Variants in ULK2 observed in about 807,000 individuals in gnomAD.
The protein encoded by ULK2 is unc-51 like autophagy activating kinase 2, also known as serine/threonine-protein kinase ULK2.
In ULK2, 76 loss-of-function variants were observed where a neutral mutation model predicts 127.5. The ratio of observed to expected loss-of-function variants is 0.60; its 90% CI spans 0.50 to 0.72. The LOEUF is 0.72. ULK2 is among the 30% of genes least tolerant of loss of function. The pLI, the probability that ULK2 is intolerant of heterozygous loss-of-function variation, is 0.00. For synonymous variants in ULK2, 452 were observed against 461.9 expected (o/e 0.98, Z 0.28); for missense variants, 1,144 against 1,295.9 (o/e 0.88, Z 1.80).
chr17:19,790,405 G>A (rs918301454), intron 20 of ULK2, among the ~76,000 whole-genome samples: 22 of 152,048 alleles, frequency 1.4e-4, no homozygotes, highest in African/African-American at 4.1e-4. Context: ...TGACAAGAGC[G>A]AAACTCCATC....
rs542497763 is a variant in ULK2 at position 19,774,731 on chromosome 17, C to G, written c.*1618G>C. ...CTCAACAAGCCACTTAATATGTACCCAGCTACACCCTAGAAACACTTTGTC... is the reference window on the plus strand; with the variant it reads ...CTCAACAAGCCACTTAATATGTACCGAGCTACACCCTAGAAACACTTTGTC... On this transcript the variant is annotated 3_prime_UTR_variant, in exon 27 of 27. Transcript: ENST00000395544. 2 of 152,594 alleles carry G rather than the reference C, an allele frequency of 1.3e-5. No individual in the cohort carries two copies. The highest frequency in any genetic ancestry group is 4.8e-5 in the African/African-American group (2 of 41,546). The allele number at this position is 152,594 out of a possible 1,614,324, so 9.5% of individuals were successfully genotyped here.
chr17:19,807,529 T>C (rs938050477), intron 14 of ULK2, among the ~76,000 whole-genome samples: 2 of 152,140 alleles, frequency 1.3e-5, no homozygotes, highest in African/African-American at 2.4e-5. Flanking sequence ...AAAACTGCCA[T>C]GTAGCTATTG....
chr17:19,790,162 A>C (rs2087121438), intron 20 of ULK2, among the ~76,000 whole-genome samples: 1 of 152,198 alleles, frequency 6.6e-6, no homozygotes, highest in Non-Finnish European at 1.5e-5. Context: ...CAAGCCTGTA[A>C]TCCTAGCAAT....
At chr17:19,784,370 T>C (rs2086982767) in intron 21 of ULK2, among the ~76,000 whole-genome samples, 1 of 152,094 alleles carries the variant, frequency 6.6e-6, no homozygotes, top group Non-Finnish European at 1.5e-5. Flanking sequence ...ATAAATACTC[T>C]GAAGTGGTAT....
chr17:19,833,368 T>A (rs567786201), intron 10 of ULK2, among the ~76,000 whole-genome samples: 1,184 of 6,376 alleles, frequency 0.19, 17 homozygotes, highest in Middle Eastern at 0.33. Flanking sequence ...TATAAACAAA[T>A]TTTTTTTTTT....
chr17:19,825,544 T>C (rs2041267063), intron 11 of ULK2, among the ~76,000 whole-genome samples: 1 of 151,944 alleles, frequency 6.6e-6, no homozygotes, highest in Non-Finnish European at 1.5e-5. Flanking sequence ...ACCTCGTCTC[T>C]ACTAAAAATA....
intron 21 of ULK2, 168 bp from the exon 22 acceptor site, chr17:19,784,073 T>G (rs1567674536): frequency 2.2e-6 from 1 of 460,570 alleles, no homozygotes; most frequent in Non-Finnish European, 3.5e-6. Context: ...TTTTTACTTA[T>G]CCATGTTCAT....
At chr17:19,820,892 G>T (rs2041125205) in intron 12 of ULK2, among the ~76,000 whole-genome samples, 1 of 152,138 alleles carries the variant, frequency 6.6e-6, no homozygotes, top group South Asian at 2.1e-4. Flanking sequence ...CAATGACTGA[G>T]TTACCTACCT....
intron 10 of ULK2, among the ~76,000 whole-genome samples, chr17:19,836,552 C>G (rs927996380): frequency 1.3e-5 from 2 of 151,806 alleles, no homozygotes; most frequent in African/African-American, 4.8e-5. Context: ...TTGCAGTGAG[C>G]CGAGATCATG....
chr17:19,863,124 G>A (rs2042277227), intron 3 of ULK2, among the ~76,000 whole-genome samples: 1 of 151,854 alleles, frequency 6.6e-6, no homozygotes, highest in Admixed American at 6.6e-5. Flanking sequence ...TGAGGCACAA[G>A]AATCGCTTTA....
At chr17:19,837,963 T>C (rs2041638023) in intron 10 of ULK2, among the ~76,000 whole-genome samples, 1 of 152,186 alleles carries the variant, frequency 6.6e-6, no homozygotes, top group Non-Finnish European at 1.5e-5. Flanking sequence ...CCATCACACT[T>C]TGTGGAAAAG....
intron 8 of ULK2, among the ~76,000 whole-genome samples, chr17:19,842,300 C>A (rs903114737): frequency 2.0e-5 from 3 of 148,058 alleles, no homozygotes; most frequent in Non-Finnish European, 3.0e-5. Flanking sequence ...CAGGTTCAAG[C>A]GATTCTCCTG....
At chr17:19,864,624 T>C (rs1204042704) in intron 3 of ULK2, among the ~76,000 whole-genome samples, 179 bp downstream of exon 3, 1 of 152,218 alleles carries the variant, frequency 6.6e-6, no homozygotes, top group Non-Finnish European at 1.5e-5. Flanking sequence ...CAGCAAATTC[T>C]TTCAGCCTAT....
intron 20 of ULK2, among the ~76,000 whole-genome samples, chr17:19,793,934 T>A (rs367383): frequency 6.6e-6 from 1 of 152,192 alleles, no homozygotes; most frequent in Middle Eastern, 3.2e-3. Context: ...TTTAAAGTAA[T>A]GATAATTAAT....
chr17:19,801,831 C>T lies in ULK2; in HGVS notation c.1387G>A (p.Val463Ile). Residue 463 changes from valine to isoleucine, a missense_variant, in exon 16 of 27, where the codon GTT (valine) becomes ATT (isoleucine). Around this residue, in one of 2 missense-constraint regions of ULK2, gnomAD observed 913 missense variants for 970.5 expected, o/e 0.94. Coordinates refer to ENST00000395544, the MANE Select transcript of ULK2 (RefSeq NM_014683.4). ...SPVPADTAQT[V>I]GRRLSTGSSR... ...GACCCAGTGGAGAGCCTTCGTCCAACTGTCTGTGCTGTGTCTGCTGGTACT... is the reference window on the plus strand; with the variant it reads ...GACCCAGTGGAGAGCCTTCGTCCAATTGTCTGTGCTGTGTCTGCTGGTACT... 1 of 1,614,222 alleles carries T rather than the reference C, an allele frequency of 6.2e-7. No homozygotes were observed. The highest frequency in any genetic ancestry group is 8.5e-7 in the Non-Finnish European group (1 of 1,180,038).
In ULK2 at chr17:19,797,214, T is replaced by C. The variant is rs533659709; in HGVS notation, c.1809+182A>G. Among the ~76,000 whole-genome samples, 7 of 151,908 alleles carry C rather than the reference T, an allele frequency of 4.6e-5. No homozygotes were observed. In the South Asian group the frequency reaches 1.5e-3, roughly 31 times the overall value. On this transcript the variant is annotated intron_variant, in intron 18 of 26. Coordinates refer to ENST00000395544, the MANE Select transcript of ULK2 (RefSeq NM_014683.4). ...CGGGAGGCTGAGGTACCAGAATTGT[T>C]TGAACCTGGGAGGTGGAGGTTGTGA... is the stretch of plus-strand genomic sequence containing the variant.
At chr17:19,857,620 A>C (rs1221968583) in intron 3 of ULK2, among the ~76,000 whole-genome samples, 1 of 152,230 alleles carries the variant, frequency 6.6e-6, no homozygotes, top group Admixed American at 6.5e-5. Context: ...GTAGATATTT[A>C]ACCAGGCCAC....
At chr17:19,845,731 T>C (rs1054134689) in intron 6 of ULK2, among the ~76,000 whole-genome samples, 2 of 152,158 alleles carry the variant, frequency 1.3e-5, no homozygotes, top group Non-Finnish European at 2.9e-5. Flanking sequence ...CAAATAATTT[T>C]GAGGTACTAC....
rs55957234 is a variant in ULK2 at position 19,779,531 on chromosome 17, C to CA, written c.2916+940dup. ...TGGACGACAGAACAAAACTCCATCT[C>CA]AAAAAAAAAAAAAAAAAAAAAAAGA... On this transcript the variant is annotated intron_variant, in intron 25 of 26. Transcript: ENST00000395544. Among the ~76,000 whole-genome samples, 293 of 67,958 alleles carry CA rather than the reference C, an allele frequency of 4.3e-3. 1 individual carries two copies. Among genetic ancestry groups the CA allele is most frequent in the East Asian group, 0.017 (48 of 2,802 alleles). 44.6% of individuals were successfully genotyped at this position (67,958 alleles called of 152,430 possible).
Sources: allele counts gnomAD v4.1 joint callset (sites outside exome capture counted in the v4.1 genomes callset), GRCh38; gene constraint gnomAD v4.1.1; regional missense constraint gnomAD v4.1.1; transcripts MANE v1.5; gene names NCBI Gene and HGNC (gene_info 2026-07-23, HGNC 2026-07-21).